Variants in GFRA1 observed in about 807,000 individuals in gnomAD.
The protein encoded by GFRA1 is GDNF family receptor alpha 1.
A neutral mutation model predicts 51.6 loss-of-function variants in GFRA1; 16 were observed. The ratio of observed to expected loss-of-function variants is 0.31; its 90% CI spans 0.21 to 0.47. The LOEUF is 0.47. Among genes scored for constraint, GFRA1 ranks in the 20% least tolerant of loss-of-function variants. The probability of loss-of-function intolerance (pLI) is 1.00; values close to 1 mark genes in which losing one functional copy is unlikely to be tolerated. For synonymous variants in GFRA1, 270 were observed against 241.3 expected (o/e 1.12, Z -1.10); for missense variants, 530 against 594.3 (o/e 0.89, Z 1.13).
rs968126003 is a variant in GFRA1, at chr10:116,232,955, C to T, written c.419-21310G>A. 3.9e-5 allele frequency among the ~76,000 whole-genome samples: 6 copies of T among 152,150 alleles called. No homozygotes were observed. In the East Asian group the frequency reaches 1.2e-3, roughly 29 times the overall value. ...ATTAAATATAGATTGCTAGTTCAGG[C>T]CAAAGAACAAGTTATTTTAAGTGCA... On this transcript the variant is annotated intron_variant, in intron 4 of 10. Coordinates refer to ENST00000355422, the MANE Select transcript of GFRA1 (RefSeq NM_005264.8).
intron 5 of GFRA1, among the ~76,000 whole-genome samples, chr10:116,210,111 C>T (rs1310184746): frequency 6.6e-6 from 1 of 152,076 alleles, no homozygotes; most frequent in Non-Finnish European, 1.5e-5. Context: ...TCCCATCAAT[C>T]GAATGGCATG....
chr10:116,233,771 T>G (rs916503962), intron 4 of GFRA1, among the ~76,000 whole-genome samples: 1 of 152,234 alleles, frequency 6.6e-6, no homozygotes, highest in Non-Finnish European at 1.5e-5. Context: ...ATGTAAATAC[T>G]TTGCCTGATT....
intron 5 of GFRA1, among the ~76,000 whole-genome samples, chr10:116,154,274 T>G (rs1203461283): frequency 6.6e-6 from 1 of 152,204 alleles, no homozygotes; most frequent in African/African-American, 2.4e-5. Context: ...CAAATGAGAA[T>G]TTTCATTGCT....
intron 4 of GFRA1, chr10:116,255,731 C>G: frequency 7.8e-7 from 1 of 1,289,178 alleles, no homozygotes; most frequent in Non-Finnish European, 1.0e-6. Flanking sequence ...CTCCTTCTCC[C>G]CTTCTTTACA....
In GFRA1 at chr10:116,061,325, A is replaced by T. The variant is rs923822999; in HGVS notation, c.*3073T>A. On this transcript the variant is annotated 3_prime_UTR_variant, in exon 11 of 11. Coordinates refer to ENST00000355422, the MANE Select transcript of GFRA1 (RefSeq NM_005264.8). ...TGCTATACTTCATGAAAAATAACCT[A>T]TGTTAATCTCAACTTATACTTTTTT... 1 of 151,988 alleles carries T rather than the reference A, an allele frequency of 6.6e-6. No homozygotes were observed. The highest frequency in any genetic ancestry group is 1.5e-5 in the Non-Finnish European group (1 of 68,008). The allele number at this position is 151,988 out of a possible 1,614,324, so 9.4% of individuals were successfully genotyped here.
At chr10:116,197,819 G>A (rs1334885643) in intron 5 of GFRA1, among the ~76,000 whole-genome samples, 1 of 152,198 alleles carries the variant, frequency 6.6e-6, no homozygotes, top group Admixed American at 6.5e-5. Flanking sequence ...ACTGCCTAAT[G>A]AAGAGTGGCC....
Position 116,262,776 on chromosome 10 carries a change from T to C in GFRA1, c.418+6727A>G, listed in dbSNP as rs116713357. On this transcript the variant is annotated intron_variant, in intron 4 of 10. Coordinates refer to ENST00000355422, the MANE Select transcript of GFRA1 (RefSeq NM_005264.8). ...AATGTAAGTGTACTTAGCAAAGCCT[T>C]TGCAGACGGAAGCATCTCCTAGGTT... 4.3e-3 allele frequency among the ~76,000 whole-genome samples: 660 copies of C among 152,304 alleles called. 6 individuals carry two copies. The highest frequency in any genetic ancestry group is 0.014 in the African/African-American group (595 of 41,562).
chr10:116,165,036 G>C (rs1960230685), intron 5 of GFRA1, among the ~76,000 whole-genome samples: 1 of 152,160 alleles, frequency 6.6e-6, no homozygotes, highest in Non-Finnish European at 1.5e-5. Context: ...TTAATAACGT[G>C]TTATTGAATT....
At chr10:116,140,141 C>A (rs1478619156) in intron 5 of GFRA1, among the ~76,000 whole-genome samples, 3 of 152,118 alleles carry the variant, frequency 2.0e-5, no homozygotes, top group African/African-American at 7.2e-5. Context: ...TAGAATAGTT[C>A]CTAAGGTAGA....
chr10:116,192,438 G>A (rs1963353912), intron 5 of GFRA1, among the ~76,000 whole-genome samples: 1 of 152,142 alleles, frequency 6.6e-6, no homozygotes, highest in South Asian at 2.1e-4. Flanking sequence ...CATCTGAATG[G>A]TTCTCCCCAA....
intron 8 of GFRA1, among the ~76,000 whole-genome samples, chr10:116,091,738 CCTTCTAGTTA>C (rs1956344968): frequency 6.6e-6 from 1 of 152,186 alleles, no homozygotes; most frequent in Non-Finnish European, 1.5e-5. Flanking sequence ...AATTGCAATT[CCTTCTAGTTA>C]CAAGAGATTG....
chr10:116,122,772 C>T (rs896728383), intron 6 of GFRA1, among the ~76,000 whole-genome samples: 4 of 152,150 alleles, frequency 2.6e-5, no homozygotes, highest in Non-Finnish European at 4.4e-5. Flanking sequence ...ACCACCTCTC[C>T]CACCTCCCAG....
At chr10:116,265,079 T>C (rs1171682016) in intron 4 of GFRA1, among the ~76,000 whole-genome samples, 1 of 152,166 alleles carries the variant, frequency 6.6e-6, no homozygotes, top group Non-Finnish European at 1.5e-5. Context: ...ATTCACAGAA[T>C]CACTCAGAAA....
At chr10:116,167,305 C>A (rs1468711555) in intron 5 of GFRA1, among the ~76,000 whole-genome samples, 1 of 152,132 alleles carries the variant, frequency 6.6e-6, no homozygotes, top group Non-Finnish European at 1.5e-5. Context: ...TCCCACCCAG[C>A]ATTGCAGGTG....
intron 6 of GFRA1, among the ~76,000 whole-genome samples, chr10:116,107,302 G>A (rs571416529): frequency 7.2e-5 from 11 of 152,256 alleles, no homozygotes; most frequent in Middle Eastern, 3.4e-3. Context: ...GACCAGCCCA[G>A]GGGGTCCACA....
At chr10:116,251,972 T>C (rs922558022) in intron 4 of GFRA1, among the ~76,000 whole-genome samples, 1 of 143,520 alleles carries the variant, frequency 7.0e-6, no homozygotes, top group African/African-American at 2.7e-5. Context: ...TCTTTTTTTT[T>C]TTTTTTTTTT....
chr10:116,159,431 C>G (rs1210670469), intron 5 of GFRA1, among the ~76,000 whole-genome samples: 1 of 152,194 alleles, frequency 6.6e-6, no homozygotes, highest in African/African-American at 2.4e-5. Context: ...AGTGGATCCT[C>G]GTGCAGGCCA....
chr10:116,181,549 A>AT (rs1241030699), intron 5 of GFRA1, among the ~76,000 whole-genome samples: 2 of 152,040 alleles, frequency 1.3e-5, no homozygotes, highest in Non-Finnish European at 2.9e-5. Context: ...TGAGCTATTC[A>AT]TTTTTTCTTT....
rs1477392242 is a variant in GFRA1 at position 116,059,546 on chromosome 10, G to T, written c.*4852C>A. The T allele has an allele frequency of 6.6e-6, 1 of 152,304 alleles. No individual in the cohort carries two copies. Among genetic ancestry groups the T allele is most frequent in the African/African-American group, 2.4e-5 (1 of 41,466 alleles). The allele number at this position is 152,304 out of a possible 1,614,324, so 9.4% of individuals were successfully genotyped here. ...GGTCAAATGAGCTTGGAGACCTTAGGGGGCTGAGACCTCAACGACTATTAG... is the reference window on the plus strand; with the variant it reads ...GGTCAAATGAGCTTGGAGACCTTAGTGGGCTGAGACCTCAACGACTATTAG... On this transcript the variant is annotated 3_prime_UTR_variant, in exon 11 of 11. Transcript: ENST00000355422.
Sources: allele counts gnomAD v4.1 joint callset (sites outside exome capture counted in the v4.1 genomes callset), GRCh38; gene constraint gnomAD v4.1.1; transcripts MANE v1.5; gene names NCBI Gene and HGNC (gene_info 2026-07-23, HGNC 2026-07-21).